Variants in ROR1 observed in about 807,000 individuals in gnomAD.
The protein encoded by ROR1 is ROR family WNT receptor 1.
Under a neutral mutation model 78.8 loss-of-function variants are expected in ROR1, and 19 were observed. That is an observed-to-expected ratio of 0.24 (90% CI 0.17 to 0.35). The LOEUF is 0.35. Among genes scored for constraint, ROR1 ranks in the 10% least tolerant of loss-of-function variants. The probability of loss-of-function intolerance (pLI) is 1.00; values close to 1 mark genes in which losing one functional copy is unlikely to be tolerated. For missense variants in ROR1, 917 were observed against 1,177.8 expected, an observed-to-expected ratio of 0.78 and a Z score of 3.24; for synonymous variants, 386 against 433.6, an observed-to-expected ratio of 0.89 and a Z score of 1.36.
intron 1 of ROR1, among the ~76,000 whole-genome samples, chr1:63,990,240 A>G (rs1295822931): frequency 2.0e-5 from 3 of 152,138 alleles, no homozygotes; most frequent in Non-Finnish European, 4.4e-5. Context: ...GGGAATACCT[A>G]AAGACTTGCC....
At chr1:63,900,353 C>T (rs1028648844) in intron 1 of ROR1, among the ~76,000 whole-genome samples, 1 of 148,082 alleles carries the variant, frequency 6.8e-6, no homozygotes. Flanking sequence ...ACTTGGGAGG[C>T]TGAGGCAGGA....
rs370118295 is a variant in ROR1 at position 64,178,446 on chromosome 1, T to C, written c.2405T>C (p.Ile802Thr). The part of the protein sequence containing the change: ...PSQGITPQGQ[I>T]AGFIGPPIPQ... ...CAGGGTATTACACCACAGGGCCAGA[T>C]TGCTGGTTTCATTGGCCCGCCAATA... The change falls in exon 9 of 9, where the codon ATT becomes ACT. Residue 802 changes from isoleucine (I) to threonine (T), a missense_variant. This residue lies in a region of ROR1 where 835 missense variants were observed against 1,069.8 expected (regional missense o/e 0.78). Coordinates refer to ENST00000371079, the MANE Select transcript of ROR1 (RefSeq NM_005012.4). This position sits in a 1 kb window ranked among gnomAD's most constrained non-coding sequence, Gnocchi z 4.3. 2.3e-5 allele frequency: 37 copies of C among 1,614,090 alleles called. No individual in the cohort carries two copies. The Admixed American group carries it at 3.0e-4, about 13-fold the overall frequency.
intron 1 of ROR1, among the ~76,000 whole-genome samples, chr1:63,978,702 G>A (rs1316050327): frequency 1.3e-5 from 2 of 152,172 alleles, no homozygotes; most frequent in Non-Finnish European, 1.5e-5. Context: ...ACATGTATAA[G>A]CATGTTCATC....
intron 4 of ROR1, among the ~76,000 whole-genome samples, chr1:64,113,137 T>C (rs1272546861): frequency 2.0e-5 from 3 of 152,222 alleles, no homozygotes; most frequent in African/African-American, 4.8e-5. Context: ...TCAACCTGCA[T>C]CTTTTGTTTC....
At chr1:64,064,565 T>C (rs1569663642) in intron 4 of ROR1, among the ~76,000 whole-genome samples, 1 of 152,348 alleles carries the variant, frequency 6.6e-6, no homozygotes, top group East Asian at 1.9e-4. Context: ...ACAGCACTCA[T>C]ACCCCAGATT....
intron 1 of ROR1, among the ~76,000 whole-genome samples, chr1:63,864,761 C>T (rs1645204201): frequency 6.6e-6 from 1 of 150,766 alleles, no homozygotes; most frequent in Non-Finnish European, 1.5e-5. Flanking sequence ...GTACGATGTC[C>T]TTTTCTCTCT....
intron 4 of ROR1, among the ~76,000 whole-genome samples, chr1:64,098,025 C>T (rs942450): frequency 0.39 from 58,547 of 151,976 alleles, 12,651 homozygotes; most frequent in Non-Finnish European, 0.5. Context: ...CCTCACACTC[C>T]CCTATATTTA....
chr1:63,912,958 T>G (rs1015767369), intron 1 of ROR1, among the ~76,000 whole-genome samples: 1 of 152,136 alleles, frequency 6.6e-6, no homozygotes, highest in South Asian at 2.1e-4. Flanking sequence ...CGGGGGTTGC[T>G]GATAGTGACA....
intron 1 of ROR1, among the ~76,000 whole-genome samples, chr1:63,822,799 A>G (rs910974927): frequency 6.6e-6 from 1 of 152,192 alleles, no homozygotes; most frequent in African/African-American, 2.4e-5. Flanking sequence ...CTGTTTCATT[A>G]GTATAAACAA....
At chr1:63,970,702 C>T (rs12074174) in intron 1 of ROR1, among the ~76,000 whole-genome samples, 4,474 of 152,296 alleles carry the variant, frequency 0.029, 238 homozygotes, top group African/African-American at 0.1. Context: ...TCACTGACAG[C>T]GTCTTCTGCC....
chr1:63,903,852 T>C (rs1645505307), intron 1 of ROR1, among the ~76,000 whole-genome samples: 3 of 152,122 alleles, frequency 2.0e-5, no homozygotes, highest in South Asian at 2.1e-4. Flanking sequence ...CAAGAGTCTA[T>C]GTAGATAGTT....
chr1:64,149,412 A>G (rs1649560247), intron 7 of ROR1, among the ~76,000 whole-genome samples: 2 of 152,126 alleles, frequency 1.3e-5, no homozygotes, highest in African/African-American at 4.8e-5. Context: ...TTTGATCATT[A>G]TGATCTCTCT....
At chr1:63,854,298 G>A (rs114688006) in intron 1 of ROR1, among the ~76,000 whole-genome samples, 7 of 152,104 alleles carry the variant, frequency 4.6e-5, no homozygotes, top group South Asian at 4.1e-4. Context: ...CACCACTTAC[G>A]TGTGGCTGAT....
At chr1:63,945,280 T>C (rs1350798295) in intron 1 of ROR1, among the ~76,000 whole-genome samples, 3 of 152,212 alleles carry the variant, frequency 2.0e-5, no homozygotes, top group African/African-American at 7.2e-5. Context: ...ACACATGCAA[T>C]AACATGTAAA....
At chr1:64,035,087 T>C (rs1646691664) in intron 2 of ROR1, among the ~76,000 whole-genome samples, 1 of 152,152 alleles carries the variant, frequency 6.6e-6, no homozygotes, top group Non-Finnish European at 1.5e-5. Flanking sequence ...TCACATCTTT[T>C]GGTAAAGTGA....
chr1:63,965,930 T>C (rs1646071173), intron 1 of ROR1, among the ~76,000 whole-genome samples: 1 of 152,196 alleles, frequency 6.6e-6, no homozygotes, highest in African/African-American at 2.4e-5. Context: ...AACTGTGTGA[T>C]CTTATACAAG....
chr1:63,910,187 T>C (rs1170008773), intron 1 of ROR1, among the ~76,000 whole-genome samples: 1 of 152,124 alleles, frequency 6.6e-6, no homozygotes. Flanking sequence ...GCTGCACTCT[T>C]TGAATGATGA....
chr1:64,126,688 T>A (rs1480841498), intron 4 of ROR1, among the ~76,000 whole-genome samples: 1 of 152,144 alleles, frequency 6.6e-6, no homozygotes, highest in Non-Finnish European at 1.5e-5. Flanking sequence ...GTCTTCTCAT[T>A]TCCAGTCCGG....
At chr1:63,847,869 A>G (rs1441515197) in intron 1 of ROR1, among the ~76,000 whole-genome samples, 1 of 152,136 alleles carries the variant, frequency 6.6e-6, no homozygotes, top group African/African-American at 2.4e-5. Flanking sequence ...TAGATGGTGC[A>G]TGGGGATGAT....
Sources: gnomAD v4.1 joint callset for allele counts (sites outside exome capture counted in the v4.1 genomes callset) on GRCh38, gnomAD v4.1.1 for gene constraint, gnomAD v4.1.1 regional missense constraint, Gnocchi (gnomAD v3.1) non-coding constraint, MANE v1.5 for transcripts, NCBI Gene and HGNC (gene_info 2026-07-23, HGNC 2026-07-21) for gene names.